The following ABCA10 variants were observed in gnomAD, a reference collection of about 807,000 sequenced individuals.
The protein encoded by ABCA10 is ATP-binding cassette sub-family A member 10.
ABCA10 carries 169 observed loss-of-function variants against 187.5 expected under a neutral mutation model. The ratio of observed to expected loss-of-function variants is 0.90; its 90% CI spans 0.80 to 1.02. The LOEUF is 1.02. Ranked by LOEUF, ABCA10 falls within the 50% of genes least tolerant of loss-of-function variation. The probability of loss-of-function intolerance (pLI) is 0.00; values close to 1 mark genes in which losing one functional copy is unlikely to be tolerated. For synonymous variants in ABCA10, 574 were observed against 601.8 expected, an observed-to-expected ratio of 0.95 and a Z score of 0.68; for missense variants, 1,727 against 1,812.4, an observed-to-expected ratio of 0.95 and a Z score of 0.86.
intron 10 of ABCA10, among the ~76,000 whole-genome samples, chr17:69,199,363 G>T (rs531735084): frequency 8.5e-4 from 129 of 152,296 alleles, no homozygotes; most frequent in Non-Finnish European, 1.3e-3. Context: ...CTAGCAGAGG[G>T]ACTGATTAAT....
chr17:69,222,642 T>C lies in ABCA10; in HGVS notation c.90A>G (p.Lys30=). 6.2e-7 allele frequency: 1 copy of C among 1,601,162 alleles called. No homozygotes were observed. Among genetic ancestry groups the C allele is most frequent in the South Asian group, 1.1e-5 (1 of 87,730 alleles). ...TAACTCCCACCATTTCATGGTATTTTTTTGGAAGTTCTATATCCATGGTCT... is the reference window on the plus strand; with the variant it reads ...TAACTCCCACCATTTCATGGTATTTCTTTGGAAGTTCTATATCCATGGTCT... ...DEETMDIELP[K]KYHEMVGVIF... Residue 30 remains lysine (K), a synonymous_variant, in exon 4 of 39, where the codon AAA becomes AAG. Coordinates refer to ENST00000690296, the MANE Select transcript of ABCA10 (RefSeq NM_001377321.1).
chr17:69,161,843 C>G (rs1228429708), intron 27 of ABCA10, among the ~76,000 whole-genome samples: 2 of 152,102 alleles, frequency 1.3e-5, no homozygotes, highest in Non-Finnish European at 2.9e-5. Flanking sequence ...ATCATCGATG[C>G]TGTAAAAAAG....
Position 69,197,085 on chromosome 17 carries a change from C to T in ABCA10, c.1213G>A (p.Gly405Arg), listed in dbSNP as rs2074511581. 1.3e-6 allele frequency: 2 copies of T among 1,594,760 alleles called. No individual in the cohort carries two copies. The highest frequency in any genetic ancestry group is 1.3e-5 in the African/African-American group (1 of 74,592). Reference protein sequence around the residue: ...NVIKEYNGKTGKVEALQGIFF... With the variant: ...NVIKEYNGKTRKVEALQGIFF... ...TTACCTTGCAATGCTTCTACTTTTC[C>T]AGTCTTTCCATTATATTCTTTTATA... The change falls in exon 11 of 39, where the codon GGA becomes AGA. Residue 405 changes from glycine to arginine, a missense_variant. Coordinates refer to ENST00000690296, the MANE Select transcript of ABCA10 (RefSeq NM_001377321.1).
At chr17:69,153,280 G>A (rs1409250085) in intron 34 of ABCA10, 25 bp downstream of exon 34, 2 of 1,581,092 alleles carry the variant, frequency 1.3e-6, no homozygotes, top group African/African-American at 1.4e-5. Flanking sequence ...TCTTGACTCT[G>A]ACACTTAATA....
At chr17:69,237,503 A>G (rs2074879372) in intron 1 of ABCA10, among the ~76,000 whole-genome samples, 1 of 152,186 alleles carries the variant, frequency 6.6e-6, no homozygotes, top group African/African-American at 2.4e-5. Context: ...ACACGGAAAT[A>G]TTATAAAGAC....
chr17:69,153,373 C>T lies in ABCA10; in HGVS notation c.4068G>A (p.Gly1356=), dbSNP rs752431471. The change falls in exon 34 of 39, where the codon GGG becomes GGA. Residue 1356 remains glycine, a synonymous_variant. Coordinates refer to ENST00000690296, the MANE Select transcript of ABCA10 (RefSeq NM_001377321.1). ...RKLCFVLSIL[G]NPSVVLLDEP... Reference sequence around the variant, plus strand: ...CATCTAGAAGCACCACTGATGGGTTCCCCAGGATGCTCAGCACAAAGCACA... The same window carrying T: ...CATCTAGAAGCACCACTGATGGGTTTCCCAGGATGCTCAGCACAAAGCACA... 10 of 1,613,534 alleles carry T rather than the reference C, an allele frequency of 6.2e-6. No individual in the cohort carries two copies. The highest frequency in any genetic ancestry group is 1.7e-5 in the Admixed American group (1 of 59,936).
chr17:69,216,161 C>A, intron 7 of ABCA10, 56 bp downstream of exon 7: 1 of 1,556,932 alleles, frequency 6.4e-7, no homozygotes, highest in South Asian at 1.2e-5. Flanking sequence ...ACATTATTTG[C>A]TCATGTATCT....
At chr17:69,239,058 TG>T (rs1482178285) in intron 1 of ABCA10, among the ~76,000 whole-genome samples, 2 of 152,204 alleles carry the variant, frequency 1.3e-5, no homozygotes, top group African/African-American at 4.8e-5. Flanking sequence ...AAATTTTATT[TG>T]GTAACTACTG....
At chr17:69,159,093 G>T (rs758213910) in intron 27 of ABCA10, among the ~76,000 whole-genome samples, 1 of 151,868 alleles carries the variant, frequency 6.6e-6, no homozygotes, top group Non-Finnish European at 1.5e-5. Context: ...AAACAGGAAA[G>T]GGTGACCCAC....
rs1216841432 is a variant in ABCA10 at position 69,185,607 on chromosome 17, A to C, written c.2367T>G (p.Ile789Met). ...TTACTTTATACATTATCTTCTCTAGAATGATGGGGATAAAAGCAATTCCAA... is the reference window on the plus strand; with the variant it reads ...TTACTTTATACATTATCTTCTCTAGCATGATGGGGATAAAAGCAATTCCAA... ...LVLGIAFIPI[I>M]LEKIMYKVTR... The change falls in exon 20 of 39, where the codon ATT (isoleucine) becomes ATG (methionine). Residue 789 changes from isoleucine (I) to methionine (M), a missense_variant. Transcript: ENST00000690296. The C allele has an allele frequency of 6.2e-7, 1 of 1,612,102 alleles. No homozygotes were observed. Among genetic ancestry groups the C allele is most frequent in the South Asian group, 1.1e-5 (1 of 90,870 alleles).
In ABCA10 at chr17:69,194,482, G is replaced by A. The variant is rs1254882965; in HGVS notation, c.1248C>T (p.Asp416=). ...TTGCAGTGATCTGTCCTTCATATAT[G>A]TCAAAAAATATGCCTGTTTTAGAAT... The part of the protein sequence containing the change: ...KVEALQGIFF[D]IYEGQITAIL... Residue 416 remains aspartate, a synonymous_variant, in exon 12 of 39, where the codon GAC becomes GAT. Transcript: ENST00000690296. The A allele has an allele frequency of 1.2e-6, 2 of 1,602,286 alleles. No homozygotes were observed. The highest frequency in any genetic ancestry group is 1.7e-6 in the Non-Finnish European group (2 of 1,174,778).
chr17:69,241,020 C>T (rs2074900446), intron 1 of ABCA10, among the ~76,000 whole-genome samples: 1 of 152,190 alleles, frequency 6.6e-6, no homozygotes, highest in Non-Finnish European at 1.5e-5. Flanking sequence ...TTCCTTTGCT[C>T]ACTGGACATC....
intron 11 of ABCA10, 141 bp from the exon 12 acceptor site, chr17:69,194,636 T>A: frequency 1.8e-6 from 1 of 568,820 alleles, no homozygotes; most frequent in Non-Finnish European, 3.0e-6. Flanking sequence ...ATACATTTAA[T>A]TGTATAAGTT....
intron 16 of ABCA10, among the ~76,000 whole-genome samples, chr17:69,192,085 G>A (rs950477549): frequency 2.0e-5 from 3 of 152,214 alleles, no homozygotes; most frequent in African/African-American, 7.2e-5. Flanking sequence ...AGCACTTTGG[G>A]AGGCCAAGGC....
intron 9 of ABCA10, among the ~76,000 whole-genome samples, chr17:69,206,977 T>C (rs184426585): frequency 6.6e-6 from 1 of 152,164 alleles, no homozygotes; most frequent in African/African-American, 2.4e-5. Context: ...ACAGAGTAAT[T>C]AGAAAATATT....
In ABCA10 at chr17:69,155,079, A is replaced by G. The variant is rs756568298; in HGVS notation, c.3634T>C (p.Cys1212Arg). The G allele has an allele frequency of 1.2e-6, 2 of 1,613,110 alleles. No homozygotes were observed. The highest frequency in any genetic ancestry group is 1.7e-6 in the Non-Finnish European group (2 of 1,179,448). Residue 1212 changes from cysteine to arginine, a missense_variant, in exon 30 of 39, where the codon TGC (cysteine) becomes CGC (arginine). Transcript: ENST00000690296. ...HKEYYETKKS[C>R]FSTRKKKIAI... ...ATTTTCTTCTTTCTTGTTGAAAAGC[A>G]ACTTTTCTTTGTCTCATAATATTCC... is the stretch of plus-strand genomic sequence containing the variant.
At chr17:69,208,141 G>A (rs2074605317) in intron 9 of ABCA10, among the ~76,000 whole-genome samples, 1 of 152,140 alleles carries the variant, frequency 6.6e-6, no homozygotes, top group African/African-American at 2.4e-5. Context: ...TAGGAGGCCA[G>A]GCGCGGTGGC....
At chr17:69,222,498 CA>C (rs746046625) in intron 4 of ABCA10, 34 bp downstream of exon 4, 536 of 1,449,658 alleles carry the variant, frequency 3.7e-4, no homozygotes, top group South Asian at 1.1e-3. Context: ...CATGAAGTAT[CA>C]AAAAAAAATT....
At chr17:69,212,243 C>A (rs1216975051) in intron 9 of ABCA10, among the ~76,000 whole-genome samples, 3 of 152,124 alleles carry the variant, frequency 2.0e-5, no homozygotes, top group Non-Finnish European at 1.5e-5. Context: ...ACCGAACAAT[C>A]ATTCAGGAGC....
Sources: allele counts gnomAD v4.1 joint callset (sites outside exome capture counted in the v4.1 genomes callset), GRCh38; gene constraint gnomAD v4.1.1; transcripts MANE v1.5; gene names NCBI Gene and HGNC (gene_info 2026-07-23, HGNC 2026-07-21).